CELF2: variants seen among roughly 807,000 people sequenced by gnomAD.
CELF2 encodes the protein CUG triplet repeat RNA-binding protein 2.
Under a neutral mutation model 62.6 loss-of-function variants are expected in CELF2, and 8 were observed. The observed-to-expected ratio is 0.13, with a 90% CI of 0.07 to 0.23. CELF2 has a LOEUF of 0.23. Ranked by LOEUF, CELF2 falls within the 10% of genes least tolerant of loss-of-function variation. CELF2 has a pLI of 1.00. For synonymous variants in CELF2, 258 were observed against 250.0 expected (o/e 1.03, Z -0.30); for missense variants, 333 against 671.0 (o/e 0.50, Z 5.56).
At chr10:10,848,069 T>G (rs2059128595) in intron 1 of CELF2, among the ~76,000 whole-genome samples, 1 of 152,220 alleles carries the variant, frequency 6.6e-6, no homozygotes, top group Non-Finnish European at 1.5e-5. Flanking sequence ...GTCCATCAGA[T>G]AACTGGAGAT....
intron 1 of CELF2, among the ~76,000 whole-genome samples, chr10:11,137,151 ATAAAG>A (rs761278004): frequency 3.9e-5 from 6 of 152,240 alleles, no homozygotes; most frequent in Non-Finnish European, 7.3e-5. Context: ...TGATATCAGA[ATAAAG>A]TAAGGAAAAG....
intron 2 of CELF2, among the ~76,000 whole-genome samples, chr10:11,215,888 A>G (rs1589221208): frequency 6.6e-6 from 1 of 152,180 alleles, no homozygotes; most frequent in Non-Finnish European, 1.5e-5. Flanking sequence ...TGGGGCTTAC[A>G]TCACGCCACT....
At chr10:10,554,190 C>A in the CELF2 span, among the ~76,000 whole-genome samples, 1 of 152,082 alleles carries the variant, frequency 6.6e-6, no homozygotes, top group African/African-American at 2.4e-5. Flanking sequence ...ATACTGGCAA[C>A]AAAGGAGAGG....
intron 1 of CELF2, among the ~76,000 whole-genome samples, chr10:10,850,181 A>G (rs1564715529): frequency 6.6e-6 from 1 of 152,080 alleles, no homozygotes; most frequent in Non-Finnish European, 1.5e-5. Flanking sequence ...TGGCCAATAT[A>G]AGTAGCAAAG....
chr10:10,550,758 G>A, the CELF2 span, among the ~76,000 whole-genome samples: 1 of 151,884 alleles, frequency 6.6e-6, no homozygotes, highest in African/African-American at 2.4e-5. Context: ...GAGTGCAATG[G>A]CACCATCTCA....
intron 5 of CELF2, 105 bp from the exon 6 acceptor site, chr10:11,266,493 C>T (rs759655165): frequency 1.3e-6 from 1 of 742,412 alleles, no homozygotes; most frequent in South Asian, 1.7e-5. Flanking sequence ...AGAACAGTGT[C>T]GTCTTGTGGC....
chr10:10,483,936 C>A, the CELF2 span, among the ~76,000 whole-genome samples: 2 of 146,768 alleles, frequency 1.4e-5, no homozygotes, highest in African/African-American at 2.6e-5. Flanking sequence ...AACTCTCTCT[C>A]GTCTCTCTCT....
chr10:11,042,785 T>A (rs1291869), intron 1 of CELF2, among the ~76,000 whole-genome samples: 2 of 152,144 alleles, frequency 1.3e-5, no homozygotes, highest in African/African-American at 4.8e-5. Context: ...GAAATGTAAT[T>A]GTATAATATG....
Position 11,259,378 on chromosome 10 carries a change from G to A in CELF2, c.538+1506G>A, listed in dbSNP as rs191540902. Among the ~76,000 whole-genome samples, 280 of 151,624 alleles carry A rather than the reference G, an allele frequency of 1.8e-3. 3 individuals are homozygous for A. Among genetic ancestry groups the A allele is most frequent in the African/African-American group, 6.7e-3 (276 of 41,234 alleles). The stretch of plus-strand genomic sequence containing the variant: ...GTAGTCTACAGGAGAACTAGGAGGC[G>A]GTGGAACCACGCCAAGCTTTTGATT... On this transcript the variant is annotated intron_variant, in intron 5 of 12. Transcript: ENST00000633077.
At chr10:10,941,092 G>A (rs928575914) in intron 2 of CELF2, among the ~76,000 whole-genome samples, 1 of 152,184 alleles carries the variant, frequency 6.6e-6, no homozygotes, top group Non-Finnish European at 1.5e-5. Flanking sequence ...CAGAAAAGCA[G>A]CATTGAGCAT....
chr10:10,954,458 G>C (rs1247820532), intron 2 of CELF2, among the ~76,000 whole-genome samples: 1 of 152,048 alleles, frequency 6.6e-6, no homozygotes, highest in East Asian at 1.9e-4. Context: ...ATGTTGGTCA[G>C]GCAGGTCCCG....
chr10:10,593,519 G>A, the CELF2 span, among the ~76,000 whole-genome samples: 3 of 152,224 alleles, frequency 2.0e-5, no homozygotes, highest in East Asian at 1.9e-4. Context: ...ATTAGCCATA[G>A]CAAGTCACCG....
intron 3 of CELF2, among the ~76,000 whole-genome samples, chr10:11,239,757 A>G (rs1442129459): frequency 6.6e-6 from 1 of 152,114 alleles, no homozygotes; most frequent in African/African-American, 2.4e-5. Flanking sequence ...ATGTCAGCAA[A>G]TGGTGATTGA....
intron 7 of CELF2, among the ~76,000 whole-genome samples, chr10:11,273,048 C>G (rs1345798214): frequency 6.6e-6 from 1 of 152,188 alleles, no homozygotes; most frequent in Non-Finnish European, 1.5e-5. Context: ...CCCTCTTCCC[C>G]GCTCTCTTCC....
intron 1 of CELF2, among the ~76,000 whole-genome samples, chr10:11,152,860 C>T (rs1283485843): frequency 1.3e-5 from 2 of 152,178 alleles, no homozygotes; most frequent in African/African-American, 4.8e-5. Flanking sequence ...CTCTGGCAAT[C>T]CCATTAGAGT....
chr10:10,531,241 C>T, the CELF2 span, among the ~76,000 whole-genome samples: 28 of 152,298 alleles, frequency 1.8e-4, no homozygotes, highest in African/African-American at 6.3e-4. Context: ...GGAACACCTA[C>T]GTCAGAAACA....
At chr10:11,322,216 G>T (rs2095478904) in intron 11 of CELF2, among the ~76,000 whole-genome samples, 1 of 152,172 alleles carries the variant, frequency 6.6e-6, no homozygotes, top group African/African-American at 2.4e-5. Context: ...CTCTCAGTAG[G>T]TGATGGTTTT....
intron 1 of CELF2, among the ~76,000 whole-genome samples, chr10:11,131,015 A>G (rs1313288747): frequency 6.6e-6 from 1 of 152,258 alleles, no homozygotes; most frequent in East Asian, 1.9e-4. Flanking sequence ...CTGTTGTTAC[A>G]TACGTTGTGG....
At position 11,318,615 on chromosome 10, in the gene CELF2, G is replaced by C; in HGVS notation, c.1097-2574G>C. 1 of 376,788 alleles carries C rather than the reference G, an allele frequency of 2.7e-6. No homozygotes were observed. Among genetic ancestry groups the C allele is most frequent in the East Asian group, 7.3e-5 (1 of 13,698 alleles). The allele number at this position is 376,788 out of a possible 1,614,324, so 23.3% of individuals were successfully genotyped here. ...GGAATGTCACTGGCTGGAGCTCCAAGCCTCACAATACCCTCTGAAACATCC... is the reference window on the plus strand; with the variant it reads ...GGAATGTCACTGGCTGGAGCTCCAACCCTCACAATACCCTCTGAAACATCC... On this transcript the variant is annotated intron_variant, in intron 10 of 12. Transcript: ENST00000633077. This position sits in a 1 kb window ranked among gnomAD's most constrained non-coding sequence, Gnocchi z 5.4.
Sources: gnomAD v4.1 joint callset for allele counts (sites outside exome capture counted in the v4.1 genomes callset) on GRCh38, gnomAD v4.1.1 for gene constraint, Gnocchi (gnomAD v3.1) non-coding constraint, MANE v1.5 for transcripts, NCBI Gene and HGNC (gene_info 2026-07-23, HGNC 2026-07-21) for gene names.